SLC4A8: variants seen among roughly 807,000 people sequenced by gnomAD.
SLC4A8 encodes solute carrier family 4 member 8, also known as electroneutral sodium bicarbonate exchanger 1.
SLC4A8 carries 40 observed loss-of-function variants against 125.0 expected under a neutral mutation model. That is an observed-to-expected ratio of 0.32 (90% CI 0.25 to 0.42). The LOEUF (loss-of-function observed/expected upper bound fraction) is 0.42, where lower values mean the gene tolerates loss of function less well. Ranked by LOEUF, SLC4A8 falls within the 10% of genes least tolerant of loss-of-function variation. The pLI is 1.00. For synonymous variants in SLC4A8, 456 were observed against 476.0 expected, an observed-to-expected ratio of 0.96 and a Z score of 0.55; for missense variants, 863 against 1,355.1, an observed-to-expected ratio of 0.64 and a Z score of 5.70.
intron 10 of SLC4A8, chr12:51,462,878 G>A (rs1261169354): frequency 1.4e-5 from 2 of 140,730 alleles, no homozygotes; most frequent in South Asian, 2.3e-4. Flanking sequence ...GGGTGACAGA[G>A]CGAGACTCCA....
chr12:51,469,799 T>G lies in SLC4A8; in HGVS notation c.1524+11T>G. 1 of 1,613,548 alleles carries G rather than the reference T, an allele frequency of 6.2e-7. No individual in the cohort carries two copies. The highest frequency in any genetic ancestry group is 8.5e-7 in the Non-Finnish European group (1 of 1,179,592). On this transcript the variant is annotated intron_variant, in intron 12 of 24. Transcript: ENST00000453097. ...ACTGAGGGACGCATAGTAAGGACTT[T>G]TAACCACTTCTAATGATCCCAAACA...
rs954652873 is a variant in SLC4A8, at chr12:51,441,247, T to C, written c.130+458T>C. The C allele has an allele frequency of 1.5e-5, 15 of 973,496 alleles. No individual in the cohort carries two copies. In the African/African-American group the frequency reaches 2.6e-4, roughly 17 times the overall value. 60.3% of individuals were successfully genotyped at this position (973,496 alleles called of 1,614,324 possible). ...ACTGTTTCTATTCTATTTATACCCA[T>C]TTCTGCCTGGTGGTTTCATCTAAAC... On this transcript the variant is annotated intron_variant, in intron 2 of 24. Coordinates refer to ENST00000453097, the MANE Select transcript of SLC4A8 (RefSeq NM_001039960.3).
rs72644884 is a variant in SLC4A8, at chr12:51,460,142, C to T, written c.1013+34C>T. ...AAAGATAAAACTCATGCATTCTATC[C>T]AAAATTCAAATTTATGTAGTGCTGG... On this transcript the variant is annotated intron_variant, in intron 8 of 24. Coordinates refer to ENST00000453097, the MANE Select transcript of SLC4A8 (RefSeq NM_001039960.3). 0.013 allele frequency: 21,204 copies of T among 1,572,436 alleles called. 1,587 individuals carry two copies. The East Asian group carries it at 0.16, about 12-fold the overall frequency.
At chr12:51,486,246 A>G (rs966857977) in intron 17 of SLC4A8, among the ~76,000 whole-genome samples, 2 of 152,214 alleles carry the variant, frequency 1.3e-5, no homozygotes, top group African/African-American at 4.8e-5. Flanking sequence ...GGTCTCTGGA[A>G]CAAGCCTCGT....
chr12:51,435,989 C>T (rs939288744), intron 1 of SLC4A8, among the ~76,000 whole-genome samples: 1 of 151,950 alleles, frequency 6.6e-6, no homozygotes, highest in Non-Finnish European at 1.5e-5. Flanking sequence ...TTTTTCTAAG[C>T]CTTTGAGTGG....
At chr12:51,430,215 C>T (rs1949144419) in intron 1 of SLC4A8, among the ~76,000 whole-genome samples, 1 of 152,068 alleles carries the variant, frequency 6.6e-6, no homozygotes, top group African/African-American at 2.4e-5. Context: ...AGTAGAGTTA[C>T]ACCCCATGTC....
intron 16 of SLC4A8, among the ~76,000 whole-genome samples, chr12:51,477,983 T>C (rs558878845): frequency 8.7e-4 from 133 of 152,182 alleles, no homozygotes; most frequent in Non-Finnish European, 4.4e-4. Context: ...ATACAAAAAT[T>C]AGCTGGGCAT....
chr12:51,414,261 A>G (rs964812373), intron 1 of SLC4A8, among the ~76,000 whole-genome samples: 1 of 150,844 alleles, frequency 6.6e-6, no homozygotes, highest in Non-Finnish European at 1.5e-5. Flanking sequence ...TGATTTTTAT[A>G]GGTTTACCTT....
At chr12:51,504,793 C>A (rs572416162) in intron 23 of SLC4A8, among the ~76,000 whole-genome samples, 1 of 152,280 alleles carries the variant, frequency 6.6e-6, no homozygotes, top group East Asian at 1.9e-4. Flanking sequence ...TGATTTTAGC[C>A]CCTTTCTCTA....
intron 20 of SLC4A8, 90 bp downstream of exon 20, chr12:51,493,862 C>CCAGTT (rs1951387259): frequency 1.2e-6 from 1 of 837,430 alleles, no homozygotes; most frequent in African/African-American, 1.7e-5. Flanking sequence ...AGAAGCACAA[C>CCAGTT]CAGTTCTTGA....
At chr12:51,427,755 A>G (rs78629446) in intron 1 of SLC4A8, among the ~76,000 whole-genome samples, 2,191 of 152,302 alleles carry the variant, frequency 0.014, 57 homozygotes, top group East Asian at 0.1. Context: ...TCTAAATATC[A>G]TAAGGCTGTG....
At chr12:51,486,247 C>G (rs1483177984) in intron 17 of SLC4A8, among the ~76,000 whole-genome samples, 1 of 152,112 alleles carries the variant, frequency 6.6e-6, no homozygotes, top group Non-Finnish European at 1.5e-5. Flanking sequence ...GTCTCTGGAA[C>G]AAGCCTCGTT....
Position 51,463,732 on chromosome 12 carries a change from T to C in SLC4A8, c.1349+18T>C, listed in dbSNP as rs1389551585. On this transcript the variant is annotated intron_variant, in intron 11 of 24. Coordinates refer to ENST00000453097, the MANE Select transcript of SLC4A8 (RefSeq NM_001039960.3). ...ACTGGGCGGTAAGTCCTGGGACGTT[T>C]CACAGCGATGCTGCTTATTGGGTAG... 14 of 1,544,882 alleles carry C rather than the reference T, an allele frequency of 9.1e-6. No homozygotes were observed. The highest frequency in any genetic ancestry group is 1.3e-5 in the Non-Finnish European group (14 of 1,118,134).
chr12:51,412,750 C>T (rs1195378060), intron 1 of SLC4A8, among the ~76,000 whole-genome samples: 1 of 152,194 alleles, frequency 6.6e-6, no homozygotes, highest in Non-Finnish European at 1.5e-5. Context: ...TTGCTGTGAA[C>T]AATAGAAATT....
intron 1 of SLC4A8, among the ~76,000 whole-genome samples, chr12:51,415,802 C>G (rs1259667706): frequency 1.4e-5 from 2 of 147,840 alleles, no homozygotes; most frequent in Non-Finnish European, 3.0e-5. Context: ...GAAAATTTAC[C>G]TATCAGGTAC....
chr12:51,424,811 T>C, upstream of SLC4A8: 5 of 605,980 alleles, frequency 8.3e-6, no homozygotes, highest in Non-Finnish European at 1.4e-5. Flanking sequence ...CTCTCGCTGA[T>C]TGGTTGCGGC....
At chr12:51,481,113 A>G (rs1336155708) in intron 16 of SLC4A8, among the ~76,000 whole-genome samples, 1 of 152,168 alleles carries the variant, frequency 6.6e-6, no homozygotes, top group Non-Finnish European at 1.5e-5. Flanking sequence ...GGTTACTACT[A>G]TTAGGGTCAG....
At chr12:51,458,711 G>A in intron 7 of SLC4A8, 61 bp downstream of exon 7, 2 of 1,151,080 alleles carry the variant, frequency 1.7e-6, no homozygotes, top group Non-Finnish European at 2.6e-6. Context: ...GGAATCCAGA[G>A]TTTAATTGCT....
At chr12:51,396,075 C>T (rs1948254949) in intron 1 of SLC4A8, among the ~76,000 whole-genome samples, 1 of 152,228 alleles carries the variant, frequency 6.6e-6, no homozygotes, top group African/African-American at 2.4e-5. Flanking sequence ...TCAATTTCCT[C>T]ATCTGTAAAA....
Sources: allele counts gnomAD v4.1 joint callset (sites outside exome capture counted in the v4.1 genomes callset), GRCh38; gene constraint gnomAD v4.1.1; transcripts MANE v1.5; gene names NCBI Gene and HGNC (gene_info 2026-07-23, HGNC 2026-07-21).